Variants in ATP6V1A observed in about 807,000 individuals in gnomAD.
ATP6V1A encodes the protein ATPase H+ transporting V1 subunit A.
In ATP6V1A, 18 loss-of-function variants were observed where a neutral mutation model predicts 70.1. The observed-to-expected ratio is 0.26, with a 90% CI of 0.18 to 0.38. ATP6V1A has a LOEUF of 0.38. Ranked by LOEUF, ATP6V1A falls within the 10% of genes least tolerant of loss-of-function variation. The pLI, the probability that ATP6V1A is intolerant of heterozygous loss-of-function variation, is 1.00. For synonymous variants in ATP6V1A, 232 were observed against 253.8 expected (o/e 0.91, Z 0.82); for missense variants, 424 against 772.4 (o/e 0.55, Z 5.35).
At chr3:113,802,341 T>A (rs1709222587) in intron 12 of ATP6V1A, among the ~76,000 whole-genome samples, 1 of 152,204 alleles carries the variant, frequency 6.6e-6, no homozygotes, top group South Asian at 2.1e-4. Flanking sequence ...AATTAATTAA[T>A]TTATTTATTT....
chr3:113,757,925 C>T (rs561230993), intron 1 of ATP6V1A, among the ~76,000 whole-genome samples: 1 of 152,298 alleles, frequency 6.6e-6, no homozygotes, highest in Admixed American at 6.5e-5. Context: ...GTGGGTGGAT[C>T]ACGAGGTCAA....
At chr3:113,800,253 A>AATT (rs1246148093) in intron 12 of ATP6V1A, among the ~76,000 whole-genome samples, 4 of 151,738 alleles carry the variant, frequency 2.6e-5, no homozygotes, top group Non-Finnish European at 5.9e-5. Context: ...AAAAAGACGC[A>AATT]ATTTCTCTTT....
intron 1 of ATP6V1A, among the ~76,000 whole-genome samples, chr3:113,775,561 A>G (rs532272763): frequency 1.3e-4 from 18 of 138,454 alleles, no homozygotes; most frequent in African/African-American, 4.4e-4. Context: ...TTGTAATGCA[A>G]TCGCAAGTCT....
rs560200643 is a variant in ATP6V1A at position 113,754,150 on chromosome 3, C to A, written c.-14+7037C>A. ...ATGATGGATTATGGGAAACAATGGGCACTAAGATGATTTACTTTCTTCCTT... is the reference window on the plus strand; with the variant it reads ...ATGATGGATTATGGGAAACAATGGGAACTAAGATGATTTACTTTCTTCCTT... On this transcript the variant is annotated intron_variant, in intron 1 of 14. Coordinates refer to ENST00000273398, the MANE Select transcript of ATP6V1A (RefSeq NM_001690.4). 1.1e-4 allele frequency among the ~76,000 whole-genome samples: 17 copies of A among 152,224 alleles called. No individual in the cohort carries two copies. The South Asian group carries it at 3.5e-3, about 32-fold the overall frequency.
chr3:113,776,790 T>C (rs767336390), intron 1 of ATP6V1A, among the ~76,000 whole-genome samples: 4 of 152,204 alleles, frequency 2.6e-5, no homozygotes, highest in Non-Finnish European at 4.4e-5. Context: ...TCCTTATTTC[T>C]CACTGCTGTT....
At chr3:113,751,445 T>C (rs1331474466) in intron 1 of ATP6V1A, among the ~76,000 whole-genome samples, 1 of 151,888 alleles carries the variant, frequency 6.6e-6, no homozygotes, top group Non-Finnish European at 1.5e-5. Flanking sequence ...ATTAAGTTTA[T>C]TGACTTTTCC....
intron 1 of ATP6V1A, among the ~76,000 whole-genome samples, chr3:113,760,086 C>T (rs1708685755): frequency 6.6e-6 from 1 of 152,216 alleles, no homozygotes; most frequent in African/African-American, 2.4e-5. Context: ...TTGAAAACTT[C>T]TCCTCTCCCC....
intron 11 of ATP6V1A, among the ~76,000 whole-genome samples, chr3:113,796,406 C>G (rs534786445): frequency 6.6e-6 from 1 of 152,270 alleles, no homozygotes; most frequent in African/African-American, 2.4e-5. Context: ...CTAGCTGACA[C>G]AAGGGAGCTG....
At chr3:113,778,919 A>G (rs549395283) in intron 2 of ATP6V1A, 84 bp downstream of exon 2, 2 of 938,318 alleles carry the variant, frequency 2.1e-6, no homozygotes, top group African/African-American at 3.5e-5. Flanking sequence ...GAAATATACA[A>G]CTTTCTGTTT....
At chr3:113,801,304 C>T (rs1271177344) in intron 12 of ATP6V1A, 2 of 151,916 alleles carry the variant, frequency 1.3e-5, no homozygotes, top group Non-Finnish European at 2.9e-5. Context: ...TAAGAAGACT[C>T]GAACTTCAAC....
Position 113,809,976 on chromosome 3 carries a change from T to A in ATP6V1A, c.*549T>A, listed in dbSNP as rs1004531519. 2.4e-4 allele frequency: 36 copies of A among 152,328 alleles called. No individual in the cohort carries two copies. The highest frequency in any genetic ancestry group is 7.7e-4 in the African/African-American group (32 of 41,586). The allele number at this position is 152,328 out of a possible 1,614,324, so 9.4% of individuals were successfully genotyped here. ...CAATTATGCATCACTTCCCCCAGTA[T>A]AAATCAGGAATGTTTGTGAGAAACC... On this transcript the variant is annotated 3_prime_UTR_variant, in exon 15 of 15. Coordinates refer to ENST00000273398, the MANE Select transcript of ATP6V1A (RefSeq NM_001690.4).
chr3:113,795,770 A>T, intron 10 of ATP6V1A, 106 bp from the exon 11 acceptor site: 2 of 860,088 alleles, frequency 2.3e-6, no homozygotes, highest in Non-Finnish European at 3.5e-6. Flanking sequence ...AGTTATTTAC[A>T]TTAAAATCGA....
intron 12 of ATP6V1A, among the ~76,000 whole-genome samples, chr3:113,800,319 C>G (rs1231725724): frequency 1.3e-5 from 2 of 151,644 alleles, no homozygotes; most frequent in African/African-American, 2.4e-5. Context: ...CACCAAGATT[C>G]ACAACCTTAA....
intron 1 of ATP6V1A, among the ~76,000 whole-genome samples, chr3:113,770,769 C>A (rs1708829901): frequency 6.6e-6 from 1 of 151,912 alleles, no homozygotes; most frequent in South Asian, 2.1e-4. Flanking sequence ...TAAATCATAT[C>A]ATAGTTTGGA....
At position 113,786,288 on chromosome 3, in the gene ATP6V1A, A is replaced by C. The variant is rs1425676827; in HGVS notation, c.621A>C (p.Gln207His). The change falls in exon 6 of 15, where the codon CAA becomes CAC. Residue 207 changes from glutamine to histidine, a missense_variant. Around this residue, in one of 9 missense-constraint regions of ATP6V1A, gnomAD observed 139 missense variants for 163.5 expected, o/e 0.85. Coordinates refer to ENST00000273398, the MANE Select transcript of ATP6V1A (RefSeq NM_001690.4). ...EGVKEKFTMVQVWPVRQVRPV... is the reference protein window; with the variant it reads ...EGVKEKFTMVHVWPVRQVRPV... Reference sequence around the variant, plus strand: ...TAAAGGAGAAGTTCACCATGGTGCAAGTATGGCCTGTACGTCAAGTTCGAC... The same window carrying C: ...TAAAGGAGAAGTTCACCATGGTGCACGTATGGCCTGTACGTCAAGTTCGAC... The C allele has an allele frequency of 5.0e-6, 8 of 1,613,050 alleles. No homozygotes were observed. The highest frequency in any genetic ancestry group is 1.3e-5 in the African/African-American group (1 of 74,830).
At chr3:113,785,177 C>T (rs1218651408) in intron 5 of ATP6V1A, among the ~76,000 whole-genome samples, 1 of 152,232 alleles carries the variant, frequency 6.6e-6, no homozygotes, top group African/African-American at 2.4e-5. Flanking sequence ...CATGTAGGCT[C>T]ACGCCTGTAA....
chr3:113,787,367 A>C lies in ATP6V1A; in HGVS notation c.716+984A>C, dbSNP rs118019632. ...TACCTAACTTTAAGTTTGATGCTGG[A>C]TCTACTTCTAGATTTAAAATTATTA... On this transcript the variant is annotated intron_variant, in intron 6 of 14. Transcript: ENST00000273398. 2.6e-5 allele frequency among the ~76,000 whole-genome samples: 4 copies of C among 152,324 alleles called. No individual in the cohort carries two copies. The East Asian group carries it at 7.7e-4, about 29-fold the overall frequency.
intron 1 of ATP6V1A, among the ~76,000 whole-genome samples, chr3:113,756,586 A>G (rs926953780): frequency 2.6e-5 from 4 of 152,246 alleles, no homozygotes; most frequent in African/African-American, 9.6e-5. Context: ...TTACTATCAT[A>G]TGGAATTAAT....
intron 11 of ATP6V1A, 49 bp downstream of exon 11, chr3:113,795,988 G>T (rs373966733): frequency 6.9e-6 from 10 of 1,452,496 alleles, no homozygotes; most frequent in Non-Finnish European, 9.5e-6. Context: ...CCTCCTCTCT[G>T]CAGCCCCTGC....
Sources: allele counts gnomAD v4.1 joint callset (sites outside exome capture counted in the v4.1 genomes callset), GRCh38; gene constraint gnomAD v4.1.1; regional missense constraint gnomAD v4.1.1; transcripts MANE v1.5; gene names NCBI Gene and HGNC (gene_info 2026-07-23, HGNC 2026-07-21).